VWC2L: variants seen among roughly 807,000 people sequenced by gnomAD.
VWC2L encodes the protein von Willebrand factor C domain containing 2 like.
Under a neutral mutation model 21.6 loss-of-function variants are expected in VWC2L, and 10 were observed. That is an observed-to-expected ratio of 0.46 (90% CI 0.29 to 0.78). The LOEUF (loss-of-function observed/expected upper bound fraction) is 0.78, where lower values mean the gene tolerates loss of function less well. Ranked by LOEUF, VWC2L falls within the 30% of genes least tolerant of loss-of-function variation. VWC2L has a pLI of 0.10. For missense variants in VWC2L, 209 were observed against 277.1 expected, an observed-to-expected ratio of 0.75 and a Z score of 1.74; for synonymous variants, 96 against 94.3, an observed-to-expected ratio of 1.02 and a Z score of -0.10.
At chr2:214,566,097 G>A (rs1421763073) in intron 3 of VWC2L, among the ~76,000 whole-genome samples, 7 of 152,134 alleles carry the variant, frequency 4.6e-5, no homozygotes, top group Admixed American at 2.0e-4. Flanking sequence ...CTAACAAGGT[G>A]GGGTTAGTCT....
intron 3 of VWC2L, among the ~76,000 whole-genome samples, chr2:214,443,135 C>T (rs1702786185): frequency 6.6e-6 from 1 of 152,050 alleles, no homozygotes; most frequent in Admixed American, 6.6e-5. Flanking sequence ...AATCCCAGCA[C>T]ATTGGGAAGC....
intron 3 of VWC2L, among the ~76,000 whole-genome samples, chr2:214,571,271 A>G (rs1690145339): frequency 6.6e-6 from 1 of 152,158 alleles, no homozygotes. Flanking sequence ...TATTTCAGAG[A>G]GATATGAATT....
At position 214,577,006 on chromosome 2, in the gene VWC2L, T is replaced by C. The variant is rs946230211; in HGVS notation, c.*1186T>C. On this transcript the variant is annotated 3_prime_UTR_variant, in exon 4 of 4. Transcript: ENST00000312504. The stretch of plus-strand genomic sequence containing the variant: ...GATACTGAAAAATTAAAGTGAACCT[T>C]TGAAGAGTCTCTAGGTTGCCCTGGT... The C allele has an allele frequency of 3.3e-5, 5 of 152,168 alleles. No individual in the cohort carries two copies. Among genetic ancestry groups the C allele is most frequent in the African/African-American group, 1.2e-4 (5 of 41,454 alleles). The allele number at this position is 152,168 out of a possible 1,614,324, so 9.4% of individuals were successfully genotyped here.
Position 214,576,620 on chromosome 2 carries a change from C to CA in VWC2L, c.*800_*801insA, listed in dbSNP as rs1390757042. ...TAAAATTGTAGCATTAATCATCAGA[C>CA]TTTTTCATGATGTGAAATTTGAGTT... On this transcript the variant is annotated 3_prime_UTR_variant, in exon 4 of 4. Coordinates refer to ENST00000312504, the MANE Select transcript of VWC2L (RefSeq NM_001080500.4). 6.6e-6 allele frequency: 1 copy of CA among 152,150 alleles called. No individual in the cohort carries two copies. Among genetic ancestry groups the CA allele is most frequent in the Admixed American group, 6.5e-5 (1 of 15,280 alleles). The allele number at this position is 152,150 out of a possible 1,614,324, so 9.4% of individuals were successfully genotyped here. A position where few individuals can be genotyped will look rare whatever the true frequency, so the allele number is the denominator to read the frequency against.
At chr2:214,503,860 C>T (rs936981429) in intron 3 of VWC2L, among the ~76,000 whole-genome samples, 1 of 152,236 alleles carries the variant, frequency 6.6e-6, no homozygotes, top group African/African-American at 2.4e-5. Context: ...ATCCTCACCA[C>T]ATCATACAGC....
At chr2:214,533,826 G>T (rs1689481371) in intron 3 of VWC2L, among the ~76,000 whole-genome samples, 2 of 152,030 alleles carry the variant, frequency 1.3e-5, no homozygotes, top group Admixed American at 6.6e-5. Flanking sequence ...TTAAATTGTT[G>T]GAGTTATCTA....
At chr2:214,561,809 T>TATATATATATATATATACACAC (rs1489588765) in intron 3 of VWC2L, among the ~76,000 whole-genome samples, 1 of 127,228 alleles carries the variant, frequency 7.9e-6, no homozygotes, top group African/African-American at 3.5e-5. Context: ...TATATATATA[T>TATATATATATATATATACACAC]ACACACACAT....
At chr2:214,526,257 G>GA (rs913758779) in intron 3 of VWC2L, among the ~76,000 whole-genome samples, 13 of 151,500 alleles carry the variant, frequency 8.6e-5, no homozygotes, top group African/African-American at 3.2e-4. Flanking sequence ...ATATTTAGAG[G>GA]AAAAAAAGCC....
chr2:214,509,072 T>C (rs542307092), intron 3 of VWC2L, among the ~76,000 whole-genome samples: 17 of 152,278 alleles, frequency 1.1e-4, no homozygotes, highest in East Asian at 5.8e-4. Flanking sequence ...TCTCACTGAA[T>C]TGCCAGAGTT....
chr2:214,429,330 T>C (rs1702568158), intron 2 of VWC2L, among the ~76,000 whole-genome samples: 1 of 152,198 alleles, frequency 6.6e-6, no homozygotes, highest in Non-Finnish European at 1.5e-5. Flanking sequence ...CAACTGTCAA[T>C]CCAGCTTGTC....
rs866410438 is a variant in VWC2L, at chr2:214,561,113, T to C, written c.521-14559T>C. Among the ~76,000 whole-genome samples the C allele has an allele frequency of 6.6e-5, 10 of 152,366 alleles. No individual in the cohort carries two copies. In the Middle Eastern group the frequency reaches 0.014, roughly 207 times the overall value. On this transcript the variant is annotated intron_variant, in intron 3 of 3. Coordinates refer to ENST00000312504, the MANE Select transcript of VWC2L (RefSeq NM_001080500.4). ...CAAACTTTAGCCTGCATCAGACTTA[T>C]CTGGAATGTTTGTTAAAAGACAGAT...
intron 3 of VWC2L, among the ~76,000 whole-genome samples, chr2:214,551,881 T>G (rs761397063): frequency 1.3e-5 from 2 of 152,246 alleles, no homozygotes; most frequent in Non-Finnish European, 2.9e-5. Context: ...TCTAACTGCA[T>G]GCACTCACCC....
At chr2:214,421,544 C>T (rs1223981987) in intron 2 of VWC2L, among the ~76,000 whole-genome samples, 3 of 152,078 alleles carry the variant, frequency 2.0e-5, no homozygotes, top group East Asian at 3.9e-4. Flanking sequence ...TGTGACTGGG[C>T]TTCTGTGCCG....
At chr2:214,424,046 G>A (rs1318215772) in intron 2 of VWC2L, among the ~76,000 whole-genome samples, 1 of 152,042 alleles carries the variant, frequency 6.6e-6, no homozygotes, top group Non-Finnish European at 1.5e-5. Context: ...ACTGGCTGAT[G>A]ATCAATATCA....
intron 2 of VWC2L, among the ~76,000 whole-genome samples, chr2:214,433,163 T>C (rs1422281068): frequency 2.0e-5 from 1 of 49,792 alleles, no homozygotes; most frequent in Non-Finnish European, 3.7e-5. Context: ...CCACCTGATA[T>C]ATATATATAT....
intron 3 of VWC2L, among the ~76,000 whole-genome samples, chr2:214,445,301 T>A (rs1263978003): frequency 6.6e-6 from 1 of 151,916 alleles, no homozygotes; most frequent in Non-Finnish European, 1.5e-5. Flanking sequence ...TGTTATAAAG[T>A]TGTTTGATAA....
chr2:214,568,120 T>C (rs1243478652), intron 3 of VWC2L, among the ~76,000 whole-genome samples: 1 of 152,224 alleles, frequency 6.6e-6, no homozygotes, highest in Non-Finnish European at 1.5e-5. Flanking sequence ...ACAAGTCCCT[T>C]AATTTCTCTG....
intron 3 of VWC2L, among the ~76,000 whole-genome samples, chr2:214,463,455 A>G (rs1703170573): frequency 6.6e-6 from 1 of 151,998 alleles, no homozygotes; most frequent in Non-Finnish European, 1.5e-5. Flanking sequence ...ATTTATTTGT[A>G]TTTCTATAAA....
intron 3 of VWC2L, among the ~76,000 whole-genome samples, chr2:214,494,852 C>T (rs1411870480): frequency 6.6e-6 from 1 of 151,610 alleles, no homozygotes; most frequent in Non-Finnish European, 1.5e-5. Context: ...GGGCACACTT[C>T]ACTTATGGTA....
Sources: gnomAD v4.1 joint callset for allele counts (sites outside exome capture counted in the v4.1 genomes callset) on GRCh38, gnomAD v4.1.1 for gene constraint, MANE v1.5 for transcripts, NCBI Gene and HGNC (gene_info 2026-07-23, HGNC 2026-07-21) for gene names.